Variants in LONRF1 observed in about 807,000 individuals in gnomAD.
The protein encoded by LONRF1 is LON peptidase N-terminal domain and ring finger 1.
LONRF1 carries 37 observed loss-of-function variants against 85.8 expected under a neutral mutation model. That is an observed-to-expected ratio of 0.43 (90% confidence interval 0.33 to 0.57). LONRF1 has a LOEUF of 0.57. LONRF1 is among the 20% of genes least tolerant of loss of function. The pLI is 0.04. For synonymous variants in LONRF1, 517 were observed against 390.1 expected (o/e 1.33, Z -3.83); for missense variants, 1,036 against 978.0 (o/e 1.06, Z -0.79).
intron 8 of LONRF1, among the ~76,000 whole-genome samples, chr8:12,730,744 C>A (rs1798497270): frequency 6.6e-6 from 1 of 152,170 alleles, no homozygotes; most frequent in Admixed American, 6.5e-5. Context: ...TGTGAGAAGA[C>A]AAATCAATAT....
chr8:12,749,137 A>C (rs954881418), intron 1 of LONRF1, among the ~76,000 whole-genome samples: 5 of 152,244 alleles, frequency 3.3e-5, no homozygotes, highest in African/African-American at 1.2e-4. Context: ...ATCTATAATA[A>C]TTGTTGATAA....
At chr8:12,744,573 T>C (rs1414410560) in intron 1 of LONRF1, among the ~76,000 whole-genome samples, 1 of 152,164 alleles carries the variant, frequency 6.6e-6, no homozygotes. Context: ...TTTACATTAT[T>C]CCTGTTTTTG....
chr8:12,731,897 C>T, intron 7 of LONRF1, 40 bp from the exon 8 acceptor site: 1 of 1,593,416 alleles, frequency 6.3e-7, no homozygotes, highest in Non-Finnish European at 8.6e-7. Flanking sequence ...CAGTGGTTTT[C>T]CTACAGTATA....
chr8:12,731,619 A>C (rs1798532205), intron 8 of LONRF1, 117 bp downstream of exon 8: 3 of 833,758 alleles, frequency 3.6e-6, no homozygotes, highest in Non-Finnish European at 5.6e-6. Context: ...ACGGAAACAG[A>C]CCAATACTTC....
In LONRF1 at chr8:12,737,008, C is replaced by T; in HGVS notation, c.1246G>A (p.Val416Ile). The change falls in exon 5 of 12, where the codon GTT (valine) becomes ATT (isoleucine). Residue 416 changes from valine to isoleucine, a missense_variant. Transcript: ENST00000398246. The stretch of plus-strand genomic sequence containing the variant: ...ACACCTTTTTCTTGAACTGACAGAA[C>T]AGGTTCTGAGGACACTCTTTTTAAA... ...DCLKRVSSEP[V>I]LSVQEKGVLL... is the part of the protein sequence containing the mutation. 1.2e-6 allele frequency: 2 copies of T among 1,613,556 alleles called. No homozygotes were observed. The highest frequency in any genetic ancestry group is 1.7e-6 in the Non-Finnish European group (2 of 1,179,696).
intron 1 of LONRF1, among the ~76,000 whole-genome samples, chr8:12,751,382 C>T (rs1799397152): frequency 7.7e-6 from 1 of 129,198 alleles, no homozygotes; most frequent in South Asian, 2.7e-4. Flanking sequence ...TCTCAGCTAA[C>T]TGCAACCTCC....
intron 1 of LONRF1, among the ~76,000 whole-genome samples, chr8:12,752,154 T>C (rs911647869): frequency 3.3e-5 from 5 of 152,324 alleles, no homozygotes; most frequent in South Asian, 2.1e-4. Context: ...GAAGAAATTA[T>C]AGTGAAGATC....
At chr8:12,735,501 A>G (rs778401445) in intron 6 of LONRF1, 101 bp from the exon 7 acceptor site, 3 of 748,414 alleles carry the variant, frequency 4.0e-6, no homozygotes, top group Non-Finnish European at 6.9e-6. Flanking sequence ...TTAAAGGAGG[A>G]AGAAGGAGGG....
Position 12,729,281 on chromosome 8 carries a change from C to T in LONRF1, c.1740G>A (p.Val580=), listed in dbSNP as rs760501939. Residue 580 remains valine (V), a synonymous_variant, in exon 9 of 12, where the codon GTG becomes GTA. Coordinates refer to ENST00000398246, the MANE Select transcript of LONRF1 (RefSeq NM_152271.5). The stretch of plus-strand genomic sequence containing the variant: ...GCTCAAATACATGGAGAGGGCAAGG[C>T]ACAGTGGGGTAGGCCATAGTGCAAA... ...IFVCTMAYPT[V]PCPLHVFEPR... 1.2e-6 allele frequency: 2 copies of T among 1,613,952 alleles called. No individual in the cohort carries two copies. Among genetic ancestry groups the T allele is most frequent in the East Asian group, 2.2e-5 (1 of 44,868 alleles).
At chr8:12,741,485 G>A (rs1426534382) in intron 2 of LONRF1, among the ~76,000 whole-genome samples, 3 of 152,238 alleles carry the variant, frequency 2.0e-5, no homozygotes, top group East Asian at 3.9e-4. Flanking sequence ...AGCACTAACA[G>A]GGGAACTGAG....
At position 12,735,142 on chromosome 8, in the gene LONRF1, G is replaced by A. The variant is rs536074047; in HGVS notation, c.1566+144C>T. ...CACTTTTCTCCAACATTAGCATATG[G>A]GTAATAAAACATTATCCTTGTTAGT... On this transcript the variant is annotated intron_variant, in intron 7 of 11. Transcript: ENST00000398246. 2.0e-5 allele frequency: 12 copies of A among 592,292 alleles called. No homozygotes were observed. In the South Asian group the frequency reaches 2.8e-4, roughly 14 times the overall value. The allele number at this position is 592,292 out of a possible 1,614,324, so 36.7% of individuals were successfully genotyped here.
chr8:12,734,427 TC>T (rs1798642373), intron 7 of LONRF1, among the ~76,000 whole-genome samples: 1 of 152,136 alleles, frequency 6.6e-6, no homozygotes, highest in Non-Finnish European at 1.5e-5. Flanking sequence ...TTTTAAGCAA[TC>T]CTGTCAATCA....
chr8:12,726,689 C>G (rs1798320816), intron 10 of LONRF1, among the ~76,000 whole-genome samples: 1 of 152,206 alleles, frequency 6.6e-6, no homozygotes, highest in Non-Finnish European at 1.5e-5. Flanking sequence ...AGGTCGTGCT[C>G]TGTCTCATAT....
At position 12,722,324 on chromosome 8, in the gene LONRF1, T is replaced by C. The variant is rs887415718; in HGVS notation, c.*772A>G. On this transcript the variant is annotated 3_prime_UTR_variant, in exon 12 of 12. Coordinates refer to ENST00000398246, the MANE Select transcript of LONRF1 (RefSeq NM_152271.5). ...AACTAACTGGTACTGAATTGAGTTC[T>C]CCCTTTACCTTTATGTACAATTAAA... 2 of 152,660 alleles carry C rather than the reference T, an allele frequency of 1.3e-5. No individual in the cohort carries two copies. The highest frequency in any genetic ancestry group is 3.8e-4 in the East Asian group (2 of 5,198). The allele number at this position is 152,660 out of a possible 1,614,324, so 9.5% of individuals were successfully genotyped here.
chr8:12,749,679 G>GT lies in LONRF1; in HGVS notation c.721+5020dup, dbSNP rs1324618606. ...CATTTGAAATGGGACACTTGAATCA[G>GT]TTTTTTTATCATTTATATCAAAAGC... On this transcript the variant is annotated intron_variant, in intron 1 of 11. Transcript: ENST00000398246. 7.2e-5 allele frequency among the ~76,000 whole-genome samples: 11 copies of GT among 152,112 alleles called. No homozygotes were observed. The East Asian group carries it at 1.5e-3, about 21-fold the overall frequency.
rs370370418 is a variant in LONRF1, at chr8:12,745,491, C to G, written c.722-2209G>C. ...AAGGTCTGCCTTCCACGTAAACTTTCAAGAAAGACAACAAAATGGCTATCA... is the reference window on the plus strand; with the variant it reads ...AAGGTCTGCCTTCCACGTAAACTTTGAAGAAAGACAACAAAATGGCTATCA... On this transcript the variant is annotated intron_variant, in intron 1 of 11. Coordinates refer to ENST00000398246, the MANE Select transcript of LONRF1 (RefSeq NM_152271.5). 1.9e-4 allele frequency among the ~76,000 whole-genome samples: 29 copies of G among 152,262 alleles called. 2 individuals are homozygous for G. Among genetic ancestry groups the G allele is most frequent in the African/African-American group, 7.0e-4 (29 of 41,546 alleles).
At chr8:12,753,665 G>A (rs1008153519) in intron 1 of LONRF1, 4 of 152,164 alleles carry the variant, frequency 2.6e-5, no homozygotes, top group Non-Finnish European at 5.9e-5. Context: ...CCCTGGTAGA[G>A]AACTACTGAT....
At chr8:12,750,600 T>C (rs962580216) in intron 1 of LONRF1, among the ~76,000 whole-genome samples, 3 of 152,252 alleles carry the variant, frequency 2.0e-5, no homozygotes, top group Non-Finnish European at 2.9e-5. Context: ...ATTGTTTAAA[T>C]TCAAATTTCT....
Position 12,738,062 on chromosome 8 carries a change from T to C in LONRF1, c.1046A>G (p.Asn349Ser), listed in dbSNP as rs757993136. 28 of 1,610,510 alleles carry C rather than the reference T, an allele frequency of 1.7e-5. No homozygotes were observed. The highest frequency in any genetic ancestry group is 1.6e-4 in the Middle Eastern group (1 of 6,070). The change falls in exon 4 of 12, where the codon AAC becomes AGC. Residue 349 changes from asparagine (N) to serine (S), a missense_variant. Around this residue, in one of 3 missense-constraint regions of LONRF1, gnomAD observed 742 missense variants for 614.4 expected, o/e 1.21. Transcript: ENST00000398246. Reference protein sequence around the residue: ...SSWSSLPCTKNRPFDFHSVME... With the variant: ...SSWSSLPCTKSRPFDFHSVME... ...CACTGAATGAAAATCAAAAGGTCTG[T>C]TTTTAGTACATGGTAATGAACTCCA...
Sources: allele counts gnomAD v4.1 joint callset (sites outside exome capture counted in the v4.1 genomes callset), GRCh38; gene constraint gnomAD v4.1.1; regional missense constraint gnomAD v4.1.1; transcripts MANE v1.5; gene names NCBI Gene and HGNC (gene_info 2026-07-23, HGNC 2026-07-21).